The following DSE variants were observed in gnomAD, a reference collection of about 807,000 sequenced individuals.
DSE encodes dermatan-sulfate epimerase.
In DSE, 36 loss-of-function variants were observed where a neutral mutation model predicts 84.4. The ratio of observed to expected loss-of-function variants is 0.43; its 90% CI spans 0.33 to 0.56. The LOEUF (loss-of-function observed/expected upper bound fraction) is 0.56. Among genes scored for constraint, DSE ranks in the 20% least tolerant of loss-of-function variants. The pLI, the probability that DSE is intolerant of heterozygous loss-of-function variation, is 0.06. For synonymous variants in DSE, 410 were observed against 430.1 expected (o/e 0.95, Z 0.58); for missense variants, 862 against 1,169.6 (o/e 0.74, Z 3.84).
intron 2 of DSE, chr6:116,278,754 C>T (rs750767335): frequency 8.7e-6 from 14 of 1,614,126 alleles, no homozygotes; most frequent in Non-Finnish European, 1.0e-5. Flanking sequence ...GTTCATGCCC[C>T]CTGCGCCATA....
At chr6:116,405,157 G>A (rs371839341) in intron 2 of DSE, among the ~76,000 whole-genome samples, 7 of 152,260 alleles carry the variant, frequency 4.6e-5, no homozygotes, top group African/African-American at 9.6e-5. Flanking sequence ...ATTGCTGTAC[G>A]TATGAAAATG....
Position 116,431,013 on chromosome 6 carries a change from C to T in DSE, c.730C>T (p.Leu244=), listed in dbSNP as rs1041865456. 5.6e-6 allele frequency: 9 copies of T among 1,614,072 alleles called. No individual in the cohort carries two copies. In the African/African-American group the frequency reaches 1.2e-4, roughly 22 times the overall value. Residue 244 remains leucine (L), a synonymous_variant, in exon 4 of 6, where the codon CTG becomes TTG. Coordinates refer to ENST00000644252, the MANE Select transcript of DSE (RefSeq NM_013352.4). Reference sequence around the variant, plus strand: ...AGTTCTGACCATCATGGAGAAATCTCTGGTCTTGCTCAGGGAGGTGACGGA... The same window carrying T: ...AGTTCTGACCATCATGGAGAAATCTTTGGTCTTGCTCAGGGAGGTGACGGA... ...KQVLTIMEKS[L]VLLREVTDGS... is the part of the protein sequence containing the mutation.
intron 2 of DSE, among the ~76,000 whole-genome samples, chr6:116,308,700 T>C (rs1381947778): frequency 6.6e-6 from 1 of 152,042 alleles, no homozygotes; most frequent in African/African-American, 2.4e-5. Flanking sequence ...TTTTTTGAGA[T>C]GGAGTCTCAC....
intron 2 of DSE, among the ~76,000 whole-genome samples, chr6:116,419,447 G>C (rs971668500): frequency 1.3e-5 from 2 of 152,230 alleles, no homozygotes; most frequent in African/African-American, 4.8e-5. Context: ...GTGTTTGGTT[G>C]AAAGTTAAAT....
At chr6:116,285,703 T>C (rs906886511) in intron 2 of DSE, among the ~76,000 whole-genome samples, 3 of 152,210 alleles carry the variant, frequency 2.0e-5, no homozygotes, top group Non-Finnish European at 4.4e-5. Flanking sequence ...TTGTATGCGG[T>C]GTAAGGAAGG....
chr6:116,343,416 C>T (rs973675660), intron 2 of DSE, among the ~76,000 whole-genome samples: 2 of 152,212 alleles, frequency 1.3e-5, no homozygotes, highest in African/African-American at 4.8e-5. Context: ...ACTGACACCT[C>T]ATACAGCCAG....
rs749663786 is a variant in DSE, at chr6:116,435,572, CA to C, written c.1119-11del. On this transcript the variant is annotated splice_polypyrimidine_tract_variant and intron_variant, in intron 5 of 5. Coordinates refer to ENST00000644252, the MANE Select transcript of DSE (RefSeq NM_013352.4). ...GCCATCAGAAAACCATTTAATTTTT[CA>C]AAATTAATTTCAGGTATGATGGCAG... 1.3e-6 allele frequency: 2 copies of C among 1,545,672 alleles called. No homozygotes were observed. Among genetic ancestry groups the C allele is most frequent in the Admixed American group, 4.2e-5 (2 of 47,392 alleles).
At position 116,322,151 on chromosome 6, in the gene DSE, T is replaced by C. The variant is rs530952368; in HGVS notation, c.-54+63184T>C. 2.6e-5 allele frequency among the ~76,000 whole-genome samples: 4 copies of C among 152,252 alleles called. No individual in the cohort carries two copies. In the South Asian group the frequency reaches 8.3e-4, roughly 32 times the overall value. Reference sequence around the variant, plus strand: ...GTACGTGACTGGGAGCTACATGTACTGGTAATTAGATCAGAACAAAACAGG... The same window carrying C: ...GTACGTGACTGGGAGCTACATGTACCGGTAATTAGATCAGAACAAAACAGG... On this transcript the variant is annotated intron_variant, in intron 2 of 3. Transcript: ENST00000430252.
chr6:116,436,581 G>A lies in DSE; in HGVS notation c.2113G>A (p.Gly705Arg), dbSNP rs745893299. The change falls in exon 6 of 6, where the codon GGA becomes AGA. Residue 705 changes from glycine to arginine, a missense_variant. Around this residue, in one of 4 missense-constraint regions of DSE, gnomAD observed 315 missense variants for 348.1 expected, o/e 0.90. Transcript: ENST00000644252. ...ATACCTGTGGACAGGTGAGGCCACA[G>A]GACAGTCTGCCTTTGCACAGGTCAT... Reference protein sequence around the residue: ...ATYLWTGEATGQSAFAQVIAD... With the variant: ...ATYLWTGEATRQSAFAQVIAD... 3 of 1,614,032 alleles carry A rather than the reference G, an allele frequency of 1.9e-6. No individual in the cohort carries two copies. The highest frequency in any genetic ancestry group is 2.5e-6 in the Non-Finnish European group (3 of 1,180,026).
At chr6:116,320,288 T>C (rs1022027676) in intron 2 of DSE, among the ~76,000 whole-genome samples, 1 of 152,164 alleles carries the variant, frequency 6.6e-6, no homozygotes, top group African/African-American at 2.4e-5. Context: ...TCAGAATGTG[T>C]TCCTGCTTAG....
chr6:116,412,188 A>G (rs190771350), intron 2 of DSE, among the ~76,000 whole-genome samples: 4 of 152,148 alleles, frequency 2.6e-5, no homozygotes, highest in African/African-American at 9.6e-5. Context: ...GCATTATTTC[A>G]TTATTTCTCT....
At position 116,426,453 on chromosome 6, in the gene DSE, A is replaced by G. The variant is rs1294069769; in HGVS notation, c.417-121A>G. On this transcript the variant is annotated intron_variant, in intron 2 of 5. Coordinates refer to ENST00000644252, the MANE Select transcript of DSE (RefSeq NM_013352.4). ...TGTGGAGGGAAGTCAGTTGTGTGTCATTAAGCCCTTGGATTATATCTTCAA... is the reference window on the plus strand; with the variant it reads ...TGTGGAGGGAAGTCAGTTGTGTGTCGTTAAGCCCTTGGATTATATCTTCAA... The G allele has an allele frequency of 3.0e-6, 4 of 1,339,132 alleles. No individual in the cohort carries two copies. The African/African-American group carries it at 5.8e-5, about 20-fold the overall frequency. 83.0% of individuals were successfully genotyped at this position (1,339,132 alleles called of 1,614,324 possible).
intron 1 of DSE, among the ~76,000 whole-genome samples, chr6:116,390,481 T>C (rs1335826718): frequency 6.6e-6 from 1 of 152,210 alleles, no homozygotes; most frequent in African/African-American, 2.4e-5. Context: ...TGGATCACAA[T>C]GCACTGCAAA....
chr6:116,368,247 A>G (rs1779275012), upstream of DSE, among the ~76,000 whole-genome samples: 1 of 152,226 alleles, frequency 6.6e-6, no homozygotes, highest in Non-Finnish European at 1.5e-5. Context: ...ACCCTGGGAC[A>G]ACAGACAAAA....
chr6:116,316,826 C>CTACTATTATTATTATTAT lies in DSE; in HGVS notation c.-54+57861_-54+57862insCTATTATTATTATTATTA, dbSNP rs59889768. ...TCTTCTTCTACTACTACTACTACTACTATTATTATTATTATTATTATTATT... is the reference window on the plus strand; with the variant it reads ...TCTTCTTCTACTACTACTACTACTACTACTATTATTATTATTATTATTATTATTATTATTATTATTATT... On this transcript the variant is annotated intron_variant, in intron 2 of 3. Coordinates refer to the DSE transcript ENST00000430252. 1.0e-2 allele frequency among the ~76,000 whole-genome samples: 1,454 copies of CTACTATTATTATTATTAT among 145,830 alleles called. 16 individuals carry two copies. The highest frequency in any genetic ancestry group is 0.019 in the African/African-American group (757 of 39,206).
chr6:116,399,789 T>A, intron 2 of DSE, 123 bp downstream of exon 2: 1 of 916,002 alleles, frequency 1.1e-6, no homozygotes, highest in Non-Finnish European at 1.6e-6. Flanking sequence ...GGGGAGGTGT[T>A]ATTTGTTATT....
At chr6:116,309,899 A>G (rs1775578549) in intron 2 of DSE, among the ~76,000 whole-genome samples, 1 of 152,184 alleles carries the variant, frequency 6.6e-6, no homozygotes, top group Non-Finnish European at 1.5e-5. Context: ...CAAAGCCCTC[A>G]TCTTCCAGTA....
intron 2 of DSE, among the ~76,000 whole-genome samples, chr6:116,355,157 C>A (rs1413725384): frequency 1.3e-5 from 2 of 152,214 alleles, no homozygotes; most frequent in Admixed American, 6.5e-5. Flanking sequence ...CAGTTTCACA[C>A]ATACGTGCAT....
intron 2 of DSE, among the ~76,000 whole-genome samples, chr6:116,321,272 C>CCTCTTGAGTAGCTGGGACT (rs1776291271): frequency 2.0e-3 from 1 of 500 alleles, no homozygotes; most frequent in Non-Finnish European, 5.7e-3. Flanking sequence ...CACCTGTGCT[C>CCTCTTGAGTAGCTGGGACT]AAGTGATCCT....
Sources: gnomAD v4.1 joint callset for allele counts (sites outside exome capture counted in the v4.1 genomes callset) on GRCh38, gnomAD v4.1.1 for gene constraint, gnomAD v4.1.1 regional missense constraint, MANE v1.5 for transcripts, NCBI Gene and HGNC (gene_info 2026-07-23, HGNC 2026-07-21) for gene names.